Variants in CDH9 observed in about 807,000 individuals in gnomAD.
CDH9 encodes the protein cadherin 9.
In CDH9, 28 loss-of-function variants were observed where a neutral mutation model predicts 70.9. That is an observed-to-expected ratio of 0.40 (90% CI 0.29 to 0.54). The LOEUF is 0.54. Among genes scored for constraint, CDH9 ranks in the 20% least tolerant of loss-of-function variants. The probability of loss-of-function intolerance (pLI) is 0.59; values close to 1 mark genes in which losing one functional copy is unlikely to be tolerated. For synonymous variants in CDH9, 409 were observed against 343.1 expected (o/e 1.19, Z -2.12); for missense variants, 874 against 984.4 (o/e 0.89, Z 1.50).
rs192637582 is a variant in CDH9 at position 26,881,054 on chromosome 5, C to T, written c.*82G>A. On this transcript the variant is annotated 3_prime_UTR_variant, in exon 12 of 12. Transcript: ENST00000231021. ...GTAACTTCAATTTTTGAAAGATTTC[C>T]TCCCAGGAAGAGAATGCAGGCCACT... is the stretch of plus-strand genomic sequence containing the variant. 39 of 1,307,778 alleles carry T rather than the reference C, an allele frequency of 3.0e-5. No individual in the cohort carries two copies. The East Asian group carries it at 5.7e-4, about 19-fold the overall frequency. 81.0% of individuals were successfully genotyped at this position (1,307,778 alleles called of 1,614,324 possible).
intron 2 of CDH9, among the ~76,000 whole-genome samples, chr5:26,978,997 C>T (rs1480363226): frequency 6.6e-6 from 1 of 151,570 alleles, no homozygotes; most frequent in African/African-American, 2.4e-5. Context: ...ACAAGTAATG[C>T]TGAAAGAATC....
chr5:27,015,549 A>C (rs2112119583), intron 1 of CDH9, among the ~76,000 whole-genome samples: 1 of 151,830 alleles, frequency 6.6e-6, no homozygotes, highest in East Asian at 1.9e-4. Context: ...GATATACCAA[A>C]ATATATTTAT....
intron 1 of CDH9, among the ~76,000 whole-genome samples, chr5:27,037,261 A>AT (rs1475178770): frequency 6.6e-6 from 1 of 151,910 alleles, no homozygotes; most frequent in Non-Finnish European, 1.5e-5. Flanking sequence ...AAAGTCATTC[A>AT]TTCTTCATGC....
chr5:27,008,244 C>T (rs1742900418), intron 1 of CDH9, among the ~76,000 whole-genome samples: 1 of 151,980 alleles, frequency 6.6e-6, no homozygotes. Context: ...GCCTGTAATC[C>T]CAGCATTTTG....
chr5:26,994,019 A>G (rs1020407329), intron 1 of CDH9, among the ~76,000 whole-genome samples: 2 of 152,134 alleles, frequency 1.3e-5, no homozygotes, highest in African/African-American at 4.8e-5. Context: ...CTTGCTTTGG[A>G]CCTGTCATCC....
intron 1 of CDH9, among the ~76,000 whole-genome samples, chr5:27,036,105 C>T (rs562601110): frequency 6.6e-6 from 1 of 151,794 alleles, no homozygotes; most frequent in Non-Finnish European, 1.5e-5. Context: ...ATTAACTACA[C>T]CCATATACTG....
chr5:26,905,224 G>T (rs771215735), intron 5 of CDH9, among the ~76,000 whole-genome samples: 23 of 152,074 alleles, frequency 1.5e-4, no homozygotes, highest in Non-Finnish European at 1.9e-4. Context: ...TTTCAGCAGA[G>T]AATGGAAATC....
intron 2 of CDH9, among the ~76,000 whole-genome samples, chr5:26,983,090 AC>A (rs1742428650): frequency 6.6e-6 from 1 of 152,106 alleles, no homozygotes; most frequent in Non-Finnish European, 1.5e-5. Context: ...TTGTGGTAAG[AC>A]ATAGAGTGAA....
At chr5:26,928,283 C>T (rs749399938) in intron 2 of CDH9, among the ~76,000 whole-genome samples, 1 of 151,880 alleles carries the variant, frequency 6.6e-6, no homozygotes, top group Admixed American at 6.6e-5. Context: ...AAGAGTTTAC[C>T]TCACGAAAGA....
intron 1 of CDH9, among the ~76,000 whole-genome samples, chr5:26,993,226 G>A (rs1742610913): frequency 6.6e-6 from 1 of 152,022 alleles, no homozygotes; most frequent in Non-Finnish European, 1.5e-5. Context: ...GGAAATTTGA[G>A]AAAAGGGTAT....
chr5:26,946,397 C>T (rs1185740664), intron 2 of CDH9, among the ~76,000 whole-genome samples: 1 of 152,020 alleles, frequency 6.6e-6, no homozygotes, highest in Non-Finnish European at 1.5e-5. Flanking sequence ...CAGACTGATG[C>T]TATTGGGCAG....
intron 2 of CDH9, among the ~76,000 whole-genome samples, chr5:26,985,530 G>A (rs1258028903): frequency 6.6e-6 from 1 of 151,864 alleles, no homozygotes; most frequent in African/African-American, 2.4e-5. Context: ...CTCAATTCAG[G>A]ATCAAACCCT....
At position 26,973,920 on chromosome 5, in the gene CDH9, A is replaced by G. The variant is rs1742262134; in HGVS notation, c.228+14186T>C. ...ACTTACTTTTTTCCTACTCTGCTCT[A>G]TTTGTTAAGATCATTTATTCATGTT... On this transcript the variant is annotated intron_variant, in intron 2 of 11. Coordinates refer to ENST00000231021, the MANE Select transcript of CDH9 (RefSeq NM_016279.4). 3.9e-5 allele frequency among the ~76,000 whole-genome samples: 6 copies of G among 152,004 alleles called. No individual in the cohort carries two copies. In the South Asian group the frequency reaches 1.2e-3, roughly 32 times the overall value.
At chr5:26,985,815 G>A (rs1369571412) in intron 2 of CDH9, among the ~76,000 whole-genome samples, 7 of 152,086 alleles carry the variant, frequency 4.6e-5, no homozygotes, top group Non-Finnish European at 8.8e-5. Flanking sequence ...TGGTCAAAAA[G>A]ACAATCTGTG....
rs935057305 is a variant in CDH9 at position 26,881,274 on chromosome 5, A to G, written c.2232T>C (p.Asp744=). The G allele has an allele frequency of 9.9e-6, 16 of 1,613,382 alleles. No individual in the cohort carries two copies. The highest frequency in any genetic ancestry group is 1.0e-5 in the Non-Finnish European group (12 of 1,179,568). ...AAGAACTGAGCGAATCTGCTATGGA[A>G]TCATTCCCTTCATAGGCATACGTTG... ...SLATYAYEGN[D]SIADSLSSLE... Residue 744 remains aspartate, a synonymous_variant, in exon 12 of 12, where the codon GAT becomes GAC. Coordinates refer to ENST00000231021, the MANE Select transcript of CDH9 (RefSeq NM_016279.4).
At chr5:27,025,018 TAC>T (rs1743198294) in intron 1 of CDH9, among the ~76,000 whole-genome samples, 2 of 152,244 alleles carry the variant, frequency 1.3e-5, no homozygotes, top group African/African-American at 4.8e-5. Flanking sequence ...TCACCCAAAA[TAC>T]AGTGTTGCAT....
rs530276728 is a variant in CDH9, at chr5:27,025,171, T to C, written c.-50+13292A>G. Among the ~76,000 whole-genome samples, 3 of 140,734 alleles carry C rather than the reference T, an allele frequency of 2.1e-5. No homozygotes were observed. The South Asian group carries it at 6.8e-4, about 32-fold the overall frequency. The allele number at this position is 140,734 out of a possible 152,430, so 92.3% of individuals were successfully genotyped here. A position where few individuals can be genotyped will look rare whatever the true frequency, so the allele number is the denominator to read the frequency against. On this transcript the variant is annotated intron_variant, in intron 1 of 11. Transcript: ENST00000231021. ...GAGAAGCATATTATCTGTGTGTTAT[T>C]TGGGGAAAGAATATTGGCATTACAA...
At chr5:26,920,054 G>A (rs1162760928) in intron 2 of CDH9, among the ~76,000 whole-genome samples, 1 of 151,996 alleles carries the variant, frequency 6.6e-6, no homozygotes, top group Middle Eastern at 3.2e-3. Context: ...GGCCACAGTG[G>A]GGTAGAGCAC....
At position 26,881,641 on chromosome 5, in the gene CDH9, G is replaced by C; in HGVS notation, c.1883-18C>G. ...GACTAAAACTATTAATAAGAAATGG[G>C]AAAATAGTGAGATTTCATGAGTCAG... On this transcript the variant is annotated intron_variant, in intron 11 of 11. Coordinates refer to ENST00000231021, the MANE Select transcript of CDH9 (RefSeq NM_016279.4). The C allele has an allele frequency of 6.3e-7, 1 of 1,586,710 alleles. No homozygotes were observed. Among genetic ancestry groups the C allele is most frequent in the African/African-American group, 1.4e-5 (1 of 73,466 alleles).
Sources: gnomAD v4.1 joint callset for allele counts (sites outside exome capture counted in the v4.1 genomes callset) on GRCh38, gnomAD v4.1.1 for gene constraint, MANE v1.5 for transcripts, NCBI Gene and HGNC (gene_info 2026-07-23, HGNC 2026-07-21) for gene names.